QTMAN: variants seen among roughly 807,000 people sequenced by gnomAD.
QTMAN encodes the protein queuosine-tRNA mannosyltransferase.
chr2:144,060,759 T>A, the QTMAN span, among the ~76,000 whole-genome samples: 1 of 152,208 alleles, frequency 6.6e-6, no homozygotes, highest in Admixed American at 6.5e-5. Context: ...AAGAAAATTA[T>A]TGAAAATTAA....
chr2:144,017,440 G>C, the QTMAN span, among the ~76,000 whole-genome samples: 1 of 152,152 alleles, frequency 6.6e-6, no homozygotes, highest in Non-Finnish European at 1.5e-5. Flanking sequence ...CATCTGTACA[G>C]TAAGAATGAG....
the QTMAN span, among the ~76,000 whole-genome samples, chr2:144,009,691 G>A: frequency 6.6e-6 from 1 of 152,012 alleles, no homozygotes; most frequent in South Asian, 2.1e-4. Context: ...TTTAGTCCTT[G>A]ATTTAAAATG....
At chr2:144,102,908 G>A in the QTMAN span, among the ~76,000 whole-genome samples, 2 of 152,148 alleles carry the variant, frequency 1.3e-5, no homozygotes, top group Non-Finnish European at 2.9e-5. Flanking sequence ...AAAGAGGTAA[G>A]GAAAACCATG....
the QTMAN span, among the ~76,000 whole-genome samples, chr2:143,975,497 A>G: frequency 6.6e-6 from 1 of 152,192 alleles, no homozygotes; most frequent in African/African-American, 2.4e-5. Flanking sequence ...GTTTACTACT[A>G]AGGACCCAGT....
the QTMAN span, among the ~76,000 whole-genome samples, chr2:144,012,119 AAC>A: frequency 1.3e-5 from 2 of 152,184 alleles, no homozygotes; most frequent in Admixed American, 6.6e-5. Flanking sequence ...GTGAAACAGA[AAC>A]AGAGCCCCTC....
chr2:144,260,442 A>C, the QTMAN span, among the ~76,000 whole-genome samples: 7 of 152,046 alleles, frequency 4.6e-5, no homozygotes, highest in Non-Finnish European at 1.0e-4. Flanking sequence ...TTTTATCCTT[A>C]ATGGTTGTAA....
chr2:144,316,191 G>GTTCA, the QTMAN span, among the ~76,000 whole-genome samples: 1 of 151,024 alleles, frequency 6.6e-6, no homozygotes, highest in Non-Finnish European at 1.5e-5. Flanking sequence ...AGTAAGCCAT[G>GTTCA]TTCACATCAC....
the QTMAN span, among the ~76,000 whole-genome samples, chr2:144,106,483 C>G: frequency 1.1e-4 from 16 of 152,076 alleles, no homozygotes; most frequent in Admixed American, 4.6e-4. Flanking sequence ...AGACTTTAAA[C>G]CTACAAAGAT....
the QTMAN span, among the ~76,000 whole-genome samples, chr2:144,092,870 G>GGTGTGTGTGT: frequency 0.011 from 1,595 of 140,706 alleles, 13 homozygotes; most frequent in East Asian, 0.049. Context: ...AAACTTTTGG[G>GGTGTGTGTGT]GTGTGTGTGT....
the QTMAN span, among the ~76,000 whole-genome samples, chr2:144,122,170 A>G: frequency 1.3e-5 from 2 of 152,204 alleles, no homozygotes; most frequent in East Asian, 3.8e-4. Context: ...AGGTTTCTTT[A>G]AGCTTCTAAT....
At chr2:143,967,581 T>C in the QTMAN span, among the ~76,000 whole-genome samples, 4 of 152,148 alleles carry the variant, frequency 2.6e-5, no homozygotes, top group African/African-American at 9.7e-5. Context: ...TCCACCCACC[T>C]CGGCCTCCCA....
chr2:144,304,406 G>A, the QTMAN span, among the ~76,000 whole-genome samples: 1 of 152,032 alleles, frequency 6.6e-6, no homozygotes, highest in African/African-American at 2.4e-5. Context: ...GTAAAATCAA[G>A]ACATTCAATA....
the QTMAN span, among the ~76,000 whole-genome samples, chr2:144,143,609 G>A: frequency 8.6e-5 from 13 of 151,794 alleles, no homozygotes; most frequent in African/African-American, 3.1e-4. Context: ...ATTACAACAC[G>A]AACAATACAA....
At chr2:144,193,369 C>T in the QTMAN span, among the ~76,000 whole-genome samples, 1 of 149,308 alleles carries the variant, frequency 6.7e-6, no homozygotes, top group Non-Finnish European at 1.5e-5. Context: ...AAAATGACCC[C>T]TATTTTAATC....
chr2:144,042,223 T>C, the QTMAN span, among the ~76,000 whole-genome samples: 1 of 152,064 alleles, frequency 6.6e-6, no homozygotes, highest in Non-Finnish European at 1.5e-5. Context: ...TAGGCTGCAT[T>C]TAGGCACAGA....
At chr2:144,119,861 CA>C in the QTMAN span, among the ~76,000 whole-genome samples, 1 of 149,724 alleles carries the variant, frequency 6.7e-6, no homozygotes, top group Non-Finnish European at 1.5e-5. Flanking sequence ...ATATTAAAAA[CA>C]AAACAAAACA....
the QTMAN span, among the ~76,000 whole-genome samples, chr2:144,092,981 T>C: frequency 5.5e-4 from 83 of 151,842 alleles, no homozygotes; most frequent in African/African-American, 2.0e-3. Context: ...CTAGTAGCTA[T>C]TGGACATAAA....
At chr2:143,990,444 A>G in the QTMAN span, among the ~76,000 whole-genome samples, 1 of 152,296 alleles carries the variant, frequency 6.6e-6, no homozygotes, top group East Asian at 1.9e-4. Flanking sequence ...GTCAGAGAAG[A>G]GAAAATTAGA....
the QTMAN span, among the ~76,000 whole-genome samples, chr2:144,114,759 C>T: frequency 6.6e-6 from 1 of 152,120 alleles, no homozygotes; most frequent in East Asian, 1.9e-4. Flanking sequence ...AAATATCCTT[C>T]TGAGATATTG....
Sources: allele counts gnomAD v4.1 joint callset (sites outside exome capture counted in the v4.1 genomes callset), GRCh38; gene constraint gnomAD v4.1.1; transcripts MANE v1.5; gene names NCBI Gene and HGNC (gene_info 2026-07-23, HGNC 2026-07-21).